WWOX: variants seen among roughly 807,000 people sequenced by gnomAD.
WWOX encodes WW domain-containing oxidoreductase.
Under a neutral mutation model 46.2 loss-of-function variants are expected in WWOX, and 69 were observed. That is an observed-to-expected ratio of 1.49 (90% CI 1.23 to 1.82). The LOEUF is 1.82. Ranked by LOEUF, WWOX falls within the 40% of genes most tolerant of loss-of-function variation. WWOX has a pLI of 0.00. For missense variants in WWOX, 919 were observed against 542.6 expected (o/e 1.69, Z -6.89); for synonymous variants, 359 against 202.6 (o/e 1.77, Z -6.56).
chr16:78,670,990 GC>G (rs773314210), intron 8 of WWOX, among the ~76,000 whole-genome samples: 13 of 151,902 alleles, frequency 8.6e-5, no homozygotes, highest in Non-Finnish European at 1.5e-4. Flanking sequence ...CCATCTACCA[GC>G]CAAGGAATGC....
At chr16:78,804,274 C>T (rs1272305112) in intron 8 of WWOX, among the ~76,000 whole-genome samples, 1 of 152,132 alleles carries the variant, frequency 6.6e-6, no homozygotes, top group African/African-American at 2.4e-5. Flanking sequence ...ACTGCCTGAG[C>T]CGGCTGGTCT....
At chr16:78,549,644 A>G (rs908588274) in intron 8 of WWOX, among the ~76,000 whole-genome samples, 6 of 152,216 alleles carry the variant, frequency 3.9e-5, no homozygotes, top group African/African-American at 1.4e-4. Context: ...TCTGCAAGCG[A>G]GCTAATGGAA....
At chr16:78,769,740 T>C (rs2142514838) in intron 8 of WWOX, among the ~76,000 whole-genome samples, 1 of 151,580 alleles carries the variant, frequency 6.6e-6, no homozygotes, top group East Asian at 1.9e-4. Flanking sequence ...CAGTGACTCA[T>C]GCCTGTCTGT....
At chr16:79,007,640 A>G (rs776465548) in intron 8 of WWOX, among the ~76,000 whole-genome samples, 2 of 152,184 alleles carry the variant, frequency 1.3e-5, no homozygotes, top group Non-Finnish European at 1.5e-5. Context: ...ATCTCCTTAA[A>G]CCTCACTGCA....
chr16:78,522,995 C>T (rs1054443251), intron 8 of WWOX, among the ~76,000 whole-genome samples: 6 of 152,318 alleles, frequency 3.9e-5, no homozygotes, highest in African/African-American at 1.2e-4. Flanking sequence ...TTGTTTGAAG[C>T]TGGGAGGCGG....
intron 4 of WWOX, among the ~76,000 whole-genome samples, chr16:78,141,450 G>C (rs1225856641): frequency 2.8e-5 from 1 of 35,780 alleles, no homozygotes; most frequent in African/African-American, 1.1e-4. Flanking sequence ...TTTTTTTTTT[G>C]CATCCTGTAC....
chr16:79,026,064 A>C (rs1007679470), intron 8 of WWOX, among the ~76,000 whole-genome samples: 4 of 151,358 alleles, frequency 2.6e-5, no homozygotes, highest in African/African-American at 7.3e-5. Context: ...GCCTCCCAAA[A>C]TGCTGGGATT....
rs1448798864 is a variant in WWOX, at chr16:78,338,739, C to T, written c.517-48121C>T. On this transcript the variant is annotated intron_variant, in intron 5 of 8. Coordinates refer to ENST00000566780, the MANE Select transcript of WWOX (RefSeq NM_016373.4). ...GATTGTCTACATGTTTACAAGTTAC[C>T]GCCTTTTTATTTCTTCTCTTTTTCT... is the stretch of plus-strand genomic sequence containing the variant. Among the ~76,000 whole-genome samples, 14 of 120,768 alleles carry T rather than the reference C, an allele frequency of 1.2e-4. 4 individuals are homozygous for T. Among genetic ancestry groups the T allele is most frequent in the African/African-American group, 2.5e-4 (9 of 35,800 alleles). 79.2% of individuals were successfully genotyped at this position (120,768 alleles called of 152,430 possible).
chr16:78,796,383 T>C (rs1398015551), intron 8 of WWOX, among the ~76,000 whole-genome samples: 1 of 152,190 alleles, frequency 6.6e-6, no homozygotes, highest in Non-Finnish European at 1.5e-5. Context: ...CAAGGAGTTA[T>C]TATAGGTCAA....
intron 8 of WWOX, among the ~76,000 whole-genome samples, chr16:79,005,117 T>G (rs956197799): frequency 1.3e-5 from 2 of 152,174 alleles, no homozygotes; most frequent in African/African-American, 4.8e-5. Context: ...AAGAGGAAAC[T>G]GAGTCTCCAT....
chr16:78,622,690 A>C (rs1257572407), intron 8 of WWOX, among the ~76,000 whole-genome samples: 1 of 145,572 alleles, frequency 6.9e-6, no homozygotes, highest in Non-Finnish European at 1.5e-5. Context: ...GATATGGGAG[A>C]CTTACTTCTG....
intron 8 of WWOX, among the ~76,000 whole-genome samples, chr16:78,951,122 T>C (rs1316891767): frequency 6.6e-6 from 1 of 152,186 alleles, no homozygotes; most frequent in Non-Finnish European, 1.5e-5. Context: ...CTAACTTGCT[T>C]AGACCAAAGA....
chr16:79,082,923 G>C (rs1327116630), intron 8 of WWOX, among the ~76,000 whole-genome samples: 1 of 152,140 alleles, frequency 6.6e-6, no homozygotes, highest in Non-Finnish European at 1.5e-5. Flanking sequence ...GTTTTGGGAG[G>C]CCGGGGATAC....
At chr16:78,794,784 C>T (rs1240016884) in intron 8 of WWOX, among the ~76,000 whole-genome samples, 1 of 152,228 alleles carries the variant, frequency 6.6e-6, no homozygotes, top group African/African-American at 2.4e-5. Flanking sequence ...AGGCTGTGAG[C>T]ATAGGCAGAT....
chr16:79,100,548 T>C (rs1476144039), intron 8 of WWOX, among the ~76,000 whole-genome samples: 2 of 152,170 alleles, frequency 1.3e-5, no homozygotes, highest in Non-Finnish European at 2.9e-5. Flanking sequence ...AGGCTGTGCT[T>C]TGATGGCTCT....
rs528917850 is a variant in WWOX, at chr16:78,226,496, C to CCCTT, written c.516+62210_516+62211insTCCT. ...CCTGTCCTGTCTTCCCTCCCTCCCT[C>CCCTT]CCTCCCTCCCTTCCTTCCTTCCTTC... is the stretch of plus-strand genomic sequence containing the variant. On this transcript the variant is annotated intron_variant, in intron 5 of 8. Coordinates refer to ENST00000566780, the MANE Select transcript of WWOX (RefSeq NM_016373.4). Among the ~76,000 whole-genome samples the CCCTT allele has an allele frequency of 4.4e-3, 599 of 135,656 alleles. 8 individuals carry two copies. The highest frequency in any genetic ancestry group is 0.036 in the South Asian group (136 of 3,784). The allele number at this position is 135,656 out of a possible 152,430, so 89.0% of individuals were successfully genotyped here.
intron 6 of WWOX, among the ~76,000 whole-genome samples, chr16:78,398,572 C>T (rs1192048969): frequency 1.3e-5 from 2 of 152,172 alleles, no homozygotes; most frequent in African/African-American, 2.4e-5. Context: ...GCAACACACC[C>T]AATCATTGTA....
At chr16:78,984,354 AATGTTTTCT>A (rs1230687296) in intron 8 of WWOX, among the ~76,000 whole-genome samples, 1 of 152,160 alleles carries the variant, frequency 6.6e-6, no homozygotes, top group East Asian at 1.9e-4. Context: ...AGAATCAGCA[AATGTTTTCT>A]ATAGAGGCCC....
intron 8 of WWOX, among the ~76,000 whole-genome samples, chr16:78,972,738 T>C (rs1389973249): frequency 1.3e-5 from 2 of 152,238 alleles, no homozygotes; most frequent in Non-Finnish European, 2.9e-5. Flanking sequence ...TCCCACTTTA[T>C]TATTTCCTTT....
Sources: gnomAD v4.1 joint callset for allele counts (sites outside exome capture counted in the v4.1 genomes callset) on GRCh38, gnomAD v4.1.1 for gene constraint, MANE v1.5 for transcripts, NCBI Gene and HGNC (gene_info 2026-07-23, HGNC 2026-07-21) for gene names.